Variants in LHX4 observed in about 807,000 individuals in gnomAD.
LHX4 encodes LIM homeobox 4.
A neutral mutation model predicts 39.2 loss-of-function variants in LHX4; 16 were observed. The ratio of observed to expected loss-of-function variants is 0.41; its 90% CI spans 0.28 to 0.62. The LOEUF (loss-of-function observed/expected upper bound fraction) is 0.62, where lower values mean the gene tolerates loss of function less well. Among genes scored for constraint, LHX4 ranks in the 20% least tolerant of loss-of-function variants. LHX4 has a pLI of 0.33. For missense variants in LHX4, 439 were observed against 511.9 expected, an observed-to-expected ratio of 0.86 and a Z score of 1.37; for synonymous variants, 206 against 198.1, an observed-to-expected ratio of 1.04 and a Z score of -0.33.
At chr1:180,238,638 G>A (rs901493977) in intron 1 of LHX4, among the ~76,000 whole-genome samples, 1 of 151,960 alleles carries the variant, frequency 6.6e-6, no homozygotes, top group Non-Finnish European at 1.5e-5. Context: ...AATTAATGTT[G>A]GAATTTTGTG....
chr1:180,251,478 C>A (rs1020334890), intron 2 of LHX4, among the ~76,000 whole-genome samples: 2 of 152,202 alleles, frequency 1.3e-5, no homozygotes, highest in Non-Finnish European at 2.9e-5. Context: ...CTTTGGTTTG[C>A]CCATTTCTCG....
At chr1:180,269,358 A>G (rs1041272531) in intron 3 of LHX4, among the ~76,000 whole-genome samples, 1 of 152,200 alleles carries the variant, frequency 6.6e-6, no homozygotes. Context: ...ATTTTTGGGT[A>G]CATTTTTCAG....
At chr1:180,252,676 A>T (rs1647680045) in intron 2 of LHX4, among the ~76,000 whole-genome samples, 1 of 152,174 alleles carries the variant, frequency 6.6e-6, no homozygotes. Context: ...GAAGTTCTGC[A>T]GATCAATACG....
intron 1 of LHX4, among the ~76,000 whole-genome samples, chr1:180,231,986 T>C (rs532962360): frequency 6.6e-6 from 1 of 152,368 alleles, no homozygotes; most frequent in Non-Finnish European, 1.5e-5. Context: ...TCGTGTCAAC[T>C]GCCGGCAATC....
At chr1:180,269,990 G>A (rs1450993269) in intron 3 of LHX4, 3 of 152,262 alleles carry the variant, frequency 2.0e-5, no homozygotes, top group African/African-American at 4.8e-5. Flanking sequence ...GGGAAGGCAC[G>A]GGTGTGTCCC....
intron 2 of LHX4, among the ~76,000 whole-genome samples, chr1:180,254,771 A>G (rs1647774525): frequency 6.6e-6 from 1 of 152,214 alleles, no homozygotes; most frequent in Non-Finnish European, 1.5e-5. Context: ...CCATCTCTAC[A>G]GGCGGAAGAA....
At chr1:180,236,414 A>G (rs1370464656) in intron 1 of LHX4, among the ~76,000 whole-genome samples, 1 of 152,164 alleles carries the variant, frequency 6.6e-6, no homozygotes, top group African/African-American at 2.4e-5. Context: ...CGTTACAGTC[A>G]ATTAGTGATT....
At chr1:180,255,064 T>C (rs1254239180) in intron 2 of LHX4, among the ~76,000 whole-genome samples, 1 of 152,204 alleles carries the variant, frequency 6.6e-6, no homozygotes, top group African/African-American at 2.4e-5. Flanking sequence ...TCCCTCCCTG[T>C]GTGGTCCAGA....
chr1:180,234,169 T>TTATATA lies in LHX4; in HGVS notation c.76+3611_76+3616dup, dbSNP rs777438399. 0.013 allele frequency among the ~76,000 whole-genome samples: 707 copies of TTATATA among 53,206 alleles called. 20 individuals carry two copies. The highest frequency in any genetic ancestry group is 0.019 in the Middle Eastern group (1 of 54). 34.9% of individuals were successfully genotyped at this position (53,206 alleles called of 152,430 possible). On this transcript the variant is annotated intron_variant, in intron 1 of 5. Coordinates refer to ENST00000263726, the MANE Select transcript of LHX4 (RefSeq NM_033343.4). This position sits in a 1 kb window ranked among gnomAD's most constrained non-coding sequence, Gnocchi z 4.8. ...AACAGACACACACAACACACACAAA[T>TTATATA]TATATATATATATATATATATATAT...
intron 2 of LHX4, among the ~76,000 whole-genome samples, chr1:180,263,820 G>C (rs1488394777): frequency 6.6e-6 from 1 of 152,172 alleles, no homozygotes; most frequent in Non-Finnish European, 1.5e-5. Flanking sequence ...GGCCCCTGTG[G>C]AGGAGGCTGC....
intron 2 of LHX4, among the ~76,000 whole-genome samples, chr1:180,253,792 G>A (rs1647728513): frequency 1.3e-5 from 2 of 152,212 alleles, no homozygotes; most frequent in Admixed American, 1.3e-4. Flanking sequence ...GGGTCAGGTA[G>A]TCAGAGTTCC....
At chr1:180,237,355 C>T (rs3842831) in intron 1 of LHX4, among the ~76,000 whole-genome samples, 64,811 of 151,890 alleles carry the variant, frequency 0.43, 14,376 homozygotes, top group African/African-American at 0.51. Context: ...CTCTTATTGT[C>T]TGTGGTAGGA....
At chr1:180,250,669 G>A (rs1227589541) in intron 2 of LHX4, among the ~76,000 whole-genome samples, 1 of 152,198 alleles carries the variant, frequency 6.6e-6, no homozygotes, top group Non-Finnish European at 1.5e-5. Flanking sequence ...ACTGACCCAG[G>A]ACTTCATCGC....
chr1:180,236,692 G>C (rs956963693), intron 1 of LHX4, among the ~76,000 whole-genome samples: 4 of 152,174 alleles, frequency 2.6e-5, no homozygotes, highest in Non-Finnish European at 4.4e-5. Flanking sequence ...CGGGTAGGTG[G>C]AATCGGATAA....
intron 2 of LHX4, among the ~76,000 whole-genome samples, chr1:180,250,081 T>C (rs1167999830): frequency 6.6e-6 from 1 of 152,174 alleles, no homozygotes; most frequent in Non-Finnish European, 1.5e-5. Context: ...GACAGACCTC[T>C]GGTCCTTCCT....
chr1:180,266,714 C>T lies in LHX4; in HGVS notation c.451+120C>T, dbSNP rs1362478813. 3 of 962,720 alleles carry T rather than the reference C, an allele frequency of 3.1e-6. No individual in the cohort carries two copies. Among genetic ancestry groups the T allele is most frequent in the Admixed American group, 2.0e-5 (1 of 50,196 alleles). 59.6% of individuals were successfully genotyped at this position (962,720 alleles called of 1,614,324 possible). A position where few individuals can be genotyped will look rare whatever the true frequency, so the allele number is the denominator to read the frequency against. On this transcript the variant is annotated intron_variant, in intron 3 of 5. Transcript: ENST00000263726. This position sits in a 1 kb window ranked among gnomAD's most constrained non-coding sequence, Gnocchi z 5.7. ...CATCCCTCAGAGCCCTACTCATGCA[C>T]CGCCACCTCTGAGAAGCGTCCCAGA...
At position 180,266,313 on chromosome 1, in the gene LHX4, G is replaced by A. The variant is rs1571282909; in HGVS notation, c.249-79G>A. On this transcript the variant is annotated intron_variant, in intron 2 of 5. Transcript: ENST00000263726. This position sits in a 1 kb window ranked among gnomAD's most constrained non-coding sequence, Gnocchi z 5.7. Reference sequence around the variant, plus strand: ...GAGTCCCGGAGTGGTGGGGTAGGAGGGAGGCTGCTCCAGGAAGTTGGGGGA... The same window carrying A: ...GAGTCCCGGAGTGGTGGGGTAGGAGAGAGGCTGCTCCAGGAAGTTGGGGGA... 1 of 1,412,220 alleles carries A rather than the reference G, an allele frequency of 7.1e-7. No individual in the cohort carries two copies. Among genetic ancestry groups the A allele is most frequent in the Non-Finnish European group, 1.0e-6 (1 of 1,001,178 alleles). The allele number at this position is 1,412,220 out of a possible 1,614,324, so 87.5% of individuals were successfully genotyped here. A position where few individuals can be genotyped will look rare whatever the true frequency, so the allele number is the denominator to read the frequency against.
chr1:180,268,502 C>T (rs1648430752), intron 3 of LHX4, among the ~76,000 whole-genome samples: 1 of 152,234 alleles, frequency 6.6e-6, no homozygotes, highest in South Asian at 2.1e-4. Context: ...CAGAAGCTGG[C>T]TGGGCATCCC....
Position 180,278,432 on chromosome 1 carries a change from T to A in LHX4, c.*3853T>A, listed in dbSNP as rs1303101020. 1 of 151,968 alleles carries A rather than the reference T, an allele frequency of 6.6e-6. No homozygotes were observed. Among genetic ancestry groups the A allele is most frequent in the Non-Finnish European group, 1.5e-5 (1 of 68,038 alleles). 9.4% of individuals were successfully genotyped at this position (151,968 alleles called of 1,614,324 possible). ...GTGACTGGAGCCAAAAAGAGAGAGC[T>A]CAGCAAAGCCATCCCATCCACACTC... On this transcript the variant is annotated 3_prime_UTR_variant, in exon 6 of 6. Coordinates refer to ENST00000263726, the MANE Select transcript of LHX4 (RefSeq NM_033343.4).
Sources: allele counts gnomAD v4.1 joint callset (sites outside exome capture counted in the v4.1 genomes callset), GRCh38; gene constraint gnomAD v4.1.1; non-coding constraint Gnocchi (gnomAD v3.1); transcripts MANE v1.5; gene names NCBI Gene and HGNC (gene_info 2026-07-23, HGNC 2026-07-21).